Variants in DLC1 observed in about 807,000 individuals in gnomAD.
The protein encoded by DLC1 is DLC1 Rho GTPase activating protein.
DLC1 carries 54 observed loss-of-function variants against 140.3 expected under a neutral mutation model. The observed-to-expected ratio is 0.38, with a 90% CI of 0.31 to 0.48. DLC1 has a LOEUF of 0.48. Ranked by LOEUF, DLC1 falls within the 20% of genes least tolerant of loss-of-function variation. The pLI, the probability that DLC1 is intolerant of heterozygous loss-of-function variation, is 0.96. For missense variants in DLC1, 2,536 were observed against 1,907.0 expected, an observed-to-expected ratio of 1.33 and a Z score of -6.14; for synonymous variants, 986 against 728.1, an observed-to-expected ratio of 1.35 and a Z score of -5.70.
chr8:13,494,962 C>A (rs1232308895), intron 2 of DLC1, among the ~76,000 whole-genome samples: 1 of 151,996 alleles, frequency 6.6e-6, no homozygotes, highest in Non-Finnish European at 1.5e-5. Context: ...AAGAAATAAA[C>A]AAACACACAC....
intron 2 of DLC1, among the ~76,000 whole-genome samples, chr8:13,458,326 G>C (rs2117011644): frequency 6.6e-6 from 1 of 152,200 alleles, no homozygotes; most frequent in South Asian, 2.1e-4. Context: ...ATAAATAAGA[G>C]CACAAAAAAT....
intron 5 of DLC1, among the ~76,000 whole-genome samples, chr8:13,227,438 G>C (rs1447826929): frequency 6.6e-6 from 1 of 152,154 alleles, no homozygotes; most frequent in Non-Finnish European, 1.5e-5. Context: ...GTGAAGTATG[G>C]GCTGAAAGAG....
chr8:13,524,963 C>T (rs974152574), intron 1 of DLC1, among the ~76,000 whole-genome samples: 1 of 152,148 alleles, frequency 6.6e-6, no homozygotes, highest in African/African-American at 2.4e-5. Flanking sequence ...GTCGAGTTTC[C>T]TCCTGCCTCT....
In DLC1 at chr8:13,307,732, A is replaced by G. The variant is rs1832506373; in HGVS notation, c.1315-2430T>C. 2.6e-5 allele frequency among the ~76,000 whole-genome samples: 4 copies of G among 152,192 alleles called. No individual in the cohort carries two copies. The South Asian group carries it at 8.3e-4, about 32-fold the overall frequency. On this transcript the variant is annotated intron_variant, in intron 4 of 17. Coordinates refer to ENST00000276297, the MANE Select transcript of DLC1 (RefSeq NM_182643.3). The stretch of plus-strand genomic sequence containing the variant: ...TTACTGGGTGCTTAGTTTGTGTATG[A>G]CCCAGTTTTAAGCTTTTGACTGCAG...
chr8:13,574,033 C>T (rs973497755), intron 1 of DLC1, among the ~76,000 whole-genome samples: 10 of 152,078 alleles, frequency 6.6e-5, no homozygotes, highest in African/African-American at 1.9e-4. Context: ...GGCTTCCAAA[C>T]AATGAAACTG....
intron 4 of DLC1, among the ~76,000 whole-genome samples, chr8:13,380,962 C>T (rs1171177251): frequency 6.6e-6 from 1 of 152,136 alleles, no homozygotes; most frequent in Non-Finnish European, 1.5e-5. Flanking sequence ...ACACTTTGCC[C>T]TCTAGGGAAG....
intron 4 of DLC1, among the ~76,000 whole-genome samples, chr8:13,335,150 A>G (rs1833767038): frequency 6.6e-6 from 1 of 152,074 alleles, no homozygotes; most frequent in African/African-American, 2.4e-5. Flanking sequence ...GAGATCTTCC[A>G]AAGAGAAAAG....
At chr8:13,332,452 A>G (rs576367995) in intron 4 of DLC1, among the ~76,000 whole-genome samples, 1 of 149,614 alleles carries the variant, frequency 6.7e-6, no homozygotes, top group African/African-American at 2.5e-5. Flanking sequence ...TTTTTTTAAG[A>G]TGGGGTCTCG....
chr8:13,273,274 A>T (rs145430797), intron 5 of DLC1, among the ~76,000 whole-genome samples: 127 of 152,284 alleles, frequency 8.3e-4, no homozygotes, highest in Middle Eastern at 6.8e-3. Context: ...AAGGAAGCAC[A>T]CTTCATCCAG....
intron 1 of DLC1, among the ~76,000 whole-genome samples, chr8:13,506,272 A>G (rs2117229445): frequency 6.6e-6 from 1 of 152,150 alleles, no homozygotes; most frequent in East Asian, 1.9e-4. Flanking sequence ...CTGGGTTGTG[A>G]GAGTGTGTGT....
chr8:13,600,488 C>T (rs547289866), intron 1 of DLC1, among the ~76,000 whole-genome samples: 3 of 151,876 alleles, frequency 2.0e-5, no homozygotes, highest in African/African-American at 4.8e-5. Flanking sequence ...AATAATGCAA[C>T]GTCAAAGACG....
At chr8:13,237,456 A>C (rs1322554615) in intron 5 of DLC1, among the ~76,000 whole-genome samples, 21 of 151,640 alleles carry the variant, frequency 1.4e-4, no homozygotes, top group Admixed American at 1.3e-3. Context: ...CAGTTTTATT[A>C]TGATGATTAT....
At chr8:13,333,924 T>C (rs1051030348) in intron 4 of DLC1, among the ~76,000 whole-genome samples, 2 of 152,144 alleles carry the variant, frequency 1.3e-5, no homozygotes, top group Non-Finnish European at 2.9e-5. Flanking sequence ...TTATACATAC[T>C]GGGAAAACAG....
At chr8:13,392,431 G>C (rs899651598) in intron 4 of DLC1, among the ~76,000 whole-genome samples, 14 of 152,134 alleles carry the variant, frequency 9.2e-5, no homozygotes, top group African/African-American at 3.4e-4. Context: ...ATGCGTATCT[G>C]TCATTTAAAT....
chr8:13,149,702 C>T (rs1346832614), intron 5 of DLC1, among the ~76,000 whole-genome samples: 3 of 152,192 alleles, frequency 2.0e-5, no homozygotes, highest in African/African-American at 7.2e-5. Context: ...AACCTGTGTA[C>T]TTGGCCAGCC....
chr8:13,186,357 T>C (rs577684607), intron 5 of DLC1, among the ~76,000 whole-genome samples: 2 of 152,274 alleles, frequency 1.3e-5, no homozygotes, highest in Non-Finnish European at 2.9e-5. Context: ...ATTTTTACTC[T>C]TTTTACTTTC....
chr8:13,359,180 C>G (rs995776190), intron 4 of DLC1, among the ~76,000 whole-genome samples: 2 of 152,178 alleles, frequency 1.3e-5, no homozygotes, highest in African/African-American at 4.8e-5. Flanking sequence ...ACCTCGTGAT[C>G]CAGTGCCTCG....
At chr8:13,145,855 C>T (rs1202100734) in intron 5 of DLC1, among the ~76,000 whole-genome samples, 1 of 152,054 alleles carries the variant, frequency 6.6e-6, no homozygotes, top group African/African-American at 2.4e-5. Context: ...CTGACGCAAG[C>T]CAAGGAAACT....
At chr8:13,481,757 A>G (rs1050142897) in intron 2 of DLC1, among the ~76,000 whole-genome samples, 1 of 152,132 alleles carries the variant, frequency 6.6e-6, no homozygotes, top group African/African-American at 2.4e-5. Context: ...ATGTGACTTT[A>G]TTTGGAAATA....
Sources: gnomAD v4.1 joint callset for allele counts (sites outside exome capture counted in the v4.1 genomes callset) on GRCh38, gnomAD v4.1.1 for gene constraint, MANE v1.5 for transcripts, NCBI Gene and HGNC (gene_info 2026-07-23, HGNC 2026-07-21) for gene names.